The following PHACTR4 variants were observed in gnomAD, a reference collection of about 807,000 sequenced individuals.
PHACTR4 encodes phosphatase and actin regulator 4, also known as protein phosphatase 1, regulatory subunit 124.
A neutral mutation model predicts 72.7 loss-of-function variants in PHACTR4; 51 were observed. That is an observed-to-expected ratio of 0.70 (90% CI 0.56 to 0.89). The LOEUF is 0.89. Ranked by LOEUF, PHACTR4 falls within the 40% of genes least tolerant of loss-of-function variation. PHACTR4 has a pLI of 0.00. For missense variants in PHACTR4, 731 were observed against 861.8 expected (o/e 0.85, Z 1.90); for synonymous variants, 255 against 302.5 (o/e 0.84, Z 1.63).
intron 2 of PHACTR4, among the ~76,000 whole-genome samples, chr1:28,432,195 C>T (rs1486287316): frequency 6.6e-6 from 1 of 151,760 alleles, no homozygotes; most frequent in African/African-American, 2.4e-5. Context: ...GGTGACAGAG[C>T]GAGACTCTGT....
chr1:28,413,890 G>A (rs969807776), intron 2 of PHACTR4, among the ~76,000 whole-genome samples: 1 of 152,118 alleles, frequency 6.6e-6, no homozygotes, highest in Non-Finnish European at 1.5e-5. Flanking sequence ...GAGCTTCTTG[G>A]CCTTATTGTT....
At chr1:28,436,977 T>TAAACAAA (rs1656676915) in intron 2 of PHACTR4, among the ~76,000 whole-genome samples, 2 of 152,206 alleles carry the variant, frequency 1.3e-5, no homozygotes, top group African/African-American at 4.8e-5. Flanking sequence ...TTTATTTCGT[T>TAAACAAA]TATTGTTTTA....
At chr1:28,391,338 G>A (rs949571770) in intron 1 of PHACTR4, among the ~76,000 whole-genome samples, 1 of 150,894 alleles carries the variant, frequency 6.6e-6, no homozygotes, top group Non-Finnish European at 1.5e-5. Context: ...GGCAGAGGTT[G>A]CAGTGAGCTG....
At chr1:28,428,688 C>T (rs1193723880) in intron 2 of PHACTR4, among the ~76,000 whole-genome samples, 3 of 152,164 alleles carry the variant, frequency 2.0e-5, no homozygotes, top group Non-Finnish European at 4.4e-5. Flanking sequence ...AGAACCTCTC[C>T]AGTTTTTCCT....
At chr1:28,370,924 A>T (rs1007291203) in intron 1 of PHACTR4, among the ~76,000 whole-genome samples, 5 of 148,640 alleles carry the variant, frequency 3.4e-5, no homozygotes, top group South Asian at 2.1e-4. Context: ...ACCCCATCTT[A>T]AAAAAAAAAG....
At chr1:28,412,796 C>T (rs939292287) in intron 2 of PHACTR4, among the ~76,000 whole-genome samples, 2 of 152,194 alleles carry the variant, frequency 1.3e-5, no homozygotes, top group Non-Finnish European at 2.9e-5. Context: ...CCTAGAGGCC[C>T]TTCTATGGAA....
chr1:28,465,522 G>A (rs947302984), intron 4 of PHACTR4, among the ~76,000 whole-genome samples, 163 bp from the exon 5 acceptor site: 2 of 152,064 alleles, frequency 1.3e-5, no homozygotes, highest in African/African-American at 2.4e-5. Context: ...AGACCAAGGC[G>A]GGCTGATTGC....
intron 2 of PHACTR4, among the ~76,000 whole-genome samples, chr1:28,415,563 G>A (rs1655055576): frequency 1.3e-5 from 2 of 152,160 alleles, no homozygotes; most frequent in African/African-American, 4.8e-5. Flanking sequence ...TTTTTGAGGT[G>A]GAGGAGGATC....
intron 6 of PHACTR4, among the ~76,000 whole-genome samples, chr1:28,469,837 CTT>C (rs1659450038): frequency 6.6e-6 from 1 of 152,044 alleles, no homozygotes; most frequent in Non-Finnish European, 1.5e-5. Flanking sequence ...GGGCAGATCG[CTT>C]GAGGCCCAGA....
chr1:28,382,307 AT>A (rs963720991), intron 1 of PHACTR4, among the ~76,000 whole-genome samples: 139 of 143,966 alleles, frequency 9.7e-4, no homozygotes, highest in Middle Eastern at 3.7e-3. Context: ...CTGTCATGAA[AT>A]TTTTTTTTTT....
At chr1:28,398,791 C>A (rs1653726712) in intron 1 of PHACTR4, among the ~76,000 whole-genome samples, 3 of 151,876 alleles carry the variant, frequency 2.0e-5, no homozygotes, top group Admixed American at 2.0e-4. Context: ...TGCACTCCAG[C>A]CTGGGTGACA....
chr1:28,378,502 CA>C (rs925427870), intron 1 of PHACTR4, among the ~76,000 whole-genome samples: 2 of 143,360 alleles, frequency 1.4e-5, no homozygotes, highest in African/African-American at 2.6e-5. Context: ...GACTTCATCT[CA>C]AAAAAAAAGA....
At chr1:28,450,974 C>CTTTTTCTTTTTTTTT (rs1657914975) in intron 2 of PHACTR4, among the ~76,000 whole-genome samples, 1 of 72,076 alleles carries the variant, frequency 1.4e-5, no homozygotes, top group Non-Finnish European at 2.7e-5. Flanking sequence ...CCACACCCAG[C>CTTTTTCTTTTTTTTT]TTTTTTTTTT....
At chr1:28,444,085 C>T (rs1428756029) in intron 2 of PHACTR4, among the ~76,000 whole-genome samples, 2 of 152,026 alleles carry the variant, frequency 1.3e-5, no homozygotes, top group Non-Finnish European at 2.9e-5. Flanking sequence ...TGTACCCTCA[C>T]CAGCACTGGC....
At chr1:28,390,821 G>A (rs1020939781) in intron 1 of PHACTR4, among the ~76,000 whole-genome samples, 2 of 151,776 alleles carry the variant, frequency 1.3e-5, no homozygotes, top group South Asian at 2.1e-4. Context: ...CAGGCTGGGC[G>A]CAGGTGGTTC....
intron 8 of PHACTR4, among the ~76,000 whole-genome samples, chr1:28,480,098 T>TA (rs1386134252): frequency 6.6e-6 from 1 of 152,240 alleles, no homozygotes; most frequent in Non-Finnish European, 1.5e-5. Flanking sequence ...AAGGCAGCTT[T>TA]AAAAACAGAT....
chr1:28,370,547 T>TGGCA (rs774004425), intron 1 of PHACTR4, among the ~76,000 whole-genome samples: 67 of 148,818 alleles, frequency 4.5e-4, no homozygotes, highest in Non-Finnish European at 8.3e-4. Context: ...AATGGTAGAA[T>TGGCA]GGCAGTTCAC....
chr1:28,410,697 T>C (rs1654721445), intron 2 of PHACTR4, among the ~76,000 whole-genome samples: 1 of 152,162 alleles, frequency 6.6e-6, no homozygotes, highest in East Asian at 1.9e-4. Flanking sequence ...AGATTATTTT[T>C]TTCTTTTTCT....
chr1:28,408,455 G>C (rs1287573645), intron 2 of PHACTR4, among the ~76,000 whole-genome samples: 1 of 152,146 alleles, frequency 6.6e-6, no homozygotes, highest in Non-Finnish European at 1.5e-5. Context: ...CTACTCAGGA[G>C]GTTGAGGCAG....
Sources: allele counts gnomAD v4.1 joint callset (sites outside exome capture counted in the v4.1 genomes callset), GRCh38; gene constraint gnomAD v4.1.1; transcripts MANE v1.5; gene names NCBI Gene and HGNC (gene_info 2026-07-23, HGNC 2026-07-21).